The following ANKS1B variants were observed in gnomAD, a reference collection of about 807,000 sequenced individuals.
The protein encoded by ANKS1B is ankyrin repeat and sterile alpha motif domain-containing protein 1B.
A neutral mutation model predicts 148.3 loss-of-function variants in ANKS1B; 36 were observed. That is an observed-to-expected ratio of 0.24 (90% confidence interval 0.19 to 0.32). The LOEUF (loss-of-function observed/expected upper bound fraction) is 0.32, where lower values mean the gene tolerates loss of function less well. Ranked by LOEUF, ANKS1B falls within the 10% of genes least tolerant of loss-of-function variation. The pLI is 1.00. For missense variants in ANKS1B, 1,157 were observed against 1,542.6 expected (o/e 0.75, Z 4.19); for synonymous variants, 542 against 560.8 (o/e 0.97, Z 0.47).
chr12:99,898,817 T>A (rs138808980), intron 1 of ANKS1B, among the ~76,000 whole-genome samples: 14 of 152,288 alleles, frequency 9.2e-5, no homozygotes, highest in Admixed American at 3.3e-4. Context: ...CCTGAAAGAC[T>A]GTAACAAGAT....
chr12:99,396,652 G>A (rs1167315552), intron 12 of ANKS1B, among the ~76,000 whole-genome samples: 1 of 152,168 alleles, frequency 6.6e-6, no homozygotes, highest in Non-Finnish European at 1.5e-5. Flanking sequence ...AGCAAAATGT[G>A]TTTGTTCTGA....
intron 9 of ANKS1B, among the ~76,000 whole-genome samples, chr12:99,590,258 CCACACACACACACA>C (rs374132496): frequency 2.3e-5 from 3 of 132,870 alleles, no homozygotes; most frequent in Non-Finnish European, 4.9e-5. Flanking sequence ...CCACACCCAC[CCACACACACACACA>C]CACACACACA....
rs568478215 is a variant in ANKS1B at position 99,199,861 on chromosome 12, G to A, written c.2419+44481C>T. Among the ~76,000 whole-genome samples, 9 of 152,246 alleles carry A rather than the reference G, an allele frequency of 5.9e-5. No individual in the cohort carries two copies. In the East Asian group the frequency reaches 1.7e-3, roughly 29 times the overall value. On this transcript the variant is annotated intron_variant, in intron 14 of 26. Transcript: ENST00000683438. ...GTGTGTTATATTTGCTCCTTTATGT[G>A]TGACCATCACAGAGCAAATGTCTTG... is the stretch of plus-strand genomic sequence containing the variant.
chr12:99,619,996 G>A (rs986217621), intron 9 of ANKS1B, among the ~76,000 whole-genome samples: 1 of 152,176 alleles, frequency 6.6e-6, no homozygotes, highest in African/African-American at 2.4e-5. Flanking sequence ...GCTTCTCCCA[G>A]TAAACAGGGA....
chr12:99,216,158 T>C (rs1423533476), intron 14 of ANKS1B, among the ~76,000 whole-genome samples: 1 of 152,236 alleles, frequency 6.6e-6, no homozygotes, highest in Non-Finnish European at 1.5e-5. Context: ...AGATGTGCCT[T>C]TGCACTTCGT....
intron 9 of ANKS1B, among the ~76,000 whole-genome samples, chr12:99,533,841 GAATT>G (rs1264901616): frequency 3.3e-5 from 5 of 151,858 alleles, no homozygotes; most frequent in Admixed American, 2.0e-4. Flanking sequence ...TCAAAATATT[GAATT>G]ATTTATGTTA....
chr12:99,723,758 C>T (rs143211150), intron 8 of ANKS1B, among the ~76,000 whole-genome samples: 1 of 152,162 alleles, frequency 6.6e-6, no homozygotes, highest in Non-Finnish European at 1.5e-5. Flanking sequence ...CAGATCGGTG[C>T]TCCTCGAGGT....
intron 19 of ANKS1B, among the ~76,000 whole-genome samples, chr12:98,824,127 A>G (rs985008282): frequency 6.6e-6 from 1 of 152,210 alleles, no homozygotes; most frequent in South Asian, 2.1e-4. Context: ...ATAACGTGTT[A>G]TTACCATATG....
chr12:99,285,443 A>G (rs2079003551), intron 12 of ANKS1B, among the ~76,000 whole-genome samples: 2 of 152,182 alleles, frequency 1.3e-5, no homozygotes, highest in Non-Finnish European at 2.9e-5. Context: ...AACTCATTCT[A>G]TCGCCATTTG....
intron 17 of ANKS1B, among the ~76,000 whole-genome samples, chr12:98,860,754 C>T (rs569424302): frequency 6.6e-6 from 1 of 152,272 alleles, no homozygotes; most frequent in Non-Finnish European, 1.5e-5. Flanking sequence ...TCAGGATAAA[C>T]AGCTAATGCA....
chr12:99,784,839 A>G (rs2064827893), intron 4 of ANKS1B, among the ~76,000 whole-genome samples: 1 of 152,154 alleles, frequency 6.6e-6, no homozygotes, highest in Admixed American at 6.5e-5. Flanking sequence ...CTGACCCCTG[A>G]AGTTTAGTGT....
intron 9 of ANKS1B, among the ~76,000 whole-genome samples, chr12:99,596,879 C>T (rs1045934756): frequency 6.6e-6 from 1 of 151,980 alleles, no homozygotes; most frequent in Non-Finnish European, 1.5e-5. Context: ...GATCAGAGTG[C>T]AGGACCGAGG....
intron 14 of ANKS1B, among the ~76,000 whole-genome samples, chr12:99,220,190 G>C (rs949631344): frequency 6.6e-5 from 10 of 152,162 alleles, no homozygotes; most frequent in African/African-American, 2.4e-4. Flanking sequence ...AGTAGAGACA[G>C]GGTTTCATCA....
intron 16 of ANKS1B, among the ~76,000 whole-genome samples, chr12:99,080,664 C>T (rs1044828303): frequency 6.6e-6 from 1 of 152,210 alleles, no homozygotes; most frequent in Admixed American, 6.5e-5. Flanking sequence ...TATCAAAGGA[C>T]AGAAGCGTTT....
chr12:99,907,812 TAAAAAAAAAAAAA>T lies in ANKS1B; in HGVS notation c.134+76279_134+76291del, dbSNP rs751468199. On this transcript the variant is annotated intron_variant, in intron 1 of 26. Coordinates refer to ENST00000683438, the MANE Select transcript of ANKS1B (RefSeq NM_001352186.2). ...GTTTTCTCCTCTCCAGAGAAATTCTTAAAAAAAAAAAAAAAAAAAAAAAAAACTGTAAAAACCT... is the reference window on the plus strand; with the variant it reads ...GTTTTCTCCTCTCCAGAGAAATTCTTAAAAAAAAAAAAACTGTAAAAACCT... Among the ~76,000 whole-genome samples the T allele has an allele frequency of 2.5e-3, 246 of 100,160 alleles. 8 individuals carry two copies. In the East Asian group the frequency reaches 0.069, roughly 28 times the overall value. 65.7% of individuals were successfully genotyped at this position (100,160 alleles called of 152,430 possible).
chr12:99,227,220 G>T (rs970973396), intron 14 of ANKS1B, among the ~76,000 whole-genome samples: 3 of 152,046 alleles, frequency 2.0e-5, no homozygotes, highest in African/African-American at 7.2e-5. Flanking sequence ...ACAAAATCTA[G>T]TTGCTTAAAA....
At chr12:99,197,568 G>A (rs1225341123) in intron 14 of ANKS1B, among the ~76,000 whole-genome samples, 1 of 152,144 alleles carries the variant, frequency 6.6e-6, no homozygotes, top group Non-Finnish European at 1.5e-5. Flanking sequence ...GGTTTACCTA[G>A]GTGGGCCCAA....
chr12:99,901,153 C>A (rs2153769860), intron 1 of ANKS1B, among the ~76,000 whole-genome samples: 1 of 152,240 alleles, frequency 6.6e-6, no homozygotes, highest in South Asian at 2.1e-4. Context: ...TAACTTTTAA[C>A]CCTAGTTTAT....
intron 4 of ANKS1B, among the ~76,000 whole-genome samples, chr12:99,783,851 T>G (rs2064660777): frequency 6.6e-6 from 1 of 152,100 alleles, no homozygotes; most frequent in Non-Finnish European, 1.5e-5. Flanking sequence ...TGATTATATA[T>G]TTTCAAATAC....
Sources: gnomAD v4.1 joint callset for allele counts (sites outside exome capture counted in the v4.1 genomes callset) on GRCh38, gnomAD v4.1.1 for gene constraint, MANE v1.5 for transcripts, NCBI Gene and HGNC (gene_info 2026-07-23, HGNC 2026-07-21) for gene names.